ZNF704: variants seen among roughly 807,000 people sequenced by gnomAD.
ZNF704 encodes glucocorticoid induced gene 1.
In ZNF704, 10 loss-of-function variants were observed where a neutral mutation model predicts 44.7. That is an observed-to-expected ratio of 0.22 (90% CI 0.14 to 0.38). ZNF704 has a LOEUF of 0.38. Ranked by LOEUF, ZNF704 falls within the 10% of genes least tolerant of loss-of-function variation. The pLI, the probability that ZNF704 is intolerant of heterozygous loss-of-function variation, is 1.00. For synonymous variants in ZNF704, 211 were observed against 207.6 expected (o/e 1.02, Z -0.14); for missense variants, 390 against 545.5 (o/e 0.71, Z 2.84).
chr8:80,777,564 C>G lies in ZNF704; in HGVS notation c.221+43810G>C, dbSNP rs115234667. Among the ~76,000 whole-genome samples, 558 of 152,156 alleles carry G rather than the reference C, an allele frequency of 3.7e-3. 5 individuals carry two copies. Among genetic ancestry groups the G allele is most frequent in the African/African-American group, 0.013 (538 of 41,518 alleles). ...TATACACACAACACATGCATATACA[C>G]TTTTTTCCTGAATCATATGAAAGTA... On this transcript the variant is annotated intron_variant, in intron 2 of 8. Coordinates refer to ENST00000327835, the MANE Select transcript of ZNF704 (RefSeq NM_001033723.3).
chr8:80,814,166 A>C (rs1808138420), intron 2 of ZNF704: 1 of 152,186 alleles, frequency 6.6e-6, no homozygotes, highest in Non-Finnish European at 1.5e-5. Flanking sequence ...GGGAGACAGA[A>C]TTGCTTCTTT....
chr8:80,729,779 C>T (rs1249755876), intron 2 of ZNF704, among the ~76,000 whole-genome samples: 1 of 152,128 alleles, frequency 6.6e-6, no homozygotes, highest in Non-Finnish European at 1.5e-5. Context: ...TTGGGAGATT[C>T]CAGTTGGAGA....
chr8:80,690,090 A>C (rs982509312), intron 3 of ZNF704, among the ~76,000 whole-genome samples: 9 of 152,052 alleles, frequency 5.9e-5, no homozygotes, highest in Non-Finnish European at 1.0e-4. Flanking sequence ...ATTATAATAA[A>C]TTGCTTCCCC....
At chr8:80,794,430 G>C (rs1237430490) in intron 2 of ZNF704, among the ~76,000 whole-genome samples, 4 of 152,142 alleles carry the variant, frequency 2.6e-5, no homozygotes, top group Non-Finnish European at 5.9e-5. Context: ...TGTTAATCTT[G>C]TAGCTCAACA....
chr8:80,776,059 G>A (rs936063836), intron 2 of ZNF704, among the ~76,000 whole-genome samples: 6 of 152,102 alleles, frequency 3.9e-5, no homozygotes, highest in Non-Finnish European at 7.4e-5. Context: ...ATAGCTGCAT[G>A]ATAGTCCTTT....
intron 2 of ZNF704, among the ~76,000 whole-genome samples, chr8:80,697,580 C>T (rs369716614): frequency 5.3e-5 from 8 of 152,320 alleles, no homozygotes; most frequent in African/African-American, 1.4e-4. Flanking sequence ...GCTTCAGATC[C>T]ACTCTCTGCA....
At chr8:80,702,482 G>A (rs1183881966) in intron 2 of ZNF704, among the ~76,000 whole-genome samples, 2 of 152,196 alleles carry the variant, frequency 1.3e-5, no homozygotes, top group African/African-American at 4.8e-5. Context: ...GGGAGTGTGA[G>A]AGGAGGCTGC....
At chr8:80,774,905 C>T (rs1238934398) in intron 2 of ZNF704, among the ~76,000 whole-genome samples, 7 of 152,188 alleles carry the variant, frequency 4.6e-5, no homozygotes, top group Non-Finnish European at 1.0e-4. Context: ...CTGGGATACA[C>T]GAAGCGAAAT....
intron 2 of ZNF704, among the ~76,000 whole-genome samples, chr8:80,763,789 T>C (rs968499311): frequency 1.7e-4 from 26 of 152,190 alleles, no homozygotes; most frequent in African/African-American, 6.3e-4. Flanking sequence ...TTTTATGATC[T>C]GTCACCTCTT....
Position 80,635,359 on chromosome 8 carries a change from T to A in ZNF704, c.*6007A>T, listed in dbSNP as rs901572360. 3 of 152,258 alleles carry A rather than the reference T, an allele frequency of 2.0e-5. No individual in the cohort carries two copies. Among genetic ancestry groups the A allele is most frequent in the African/African-American group, 7.2e-5 (3 of 41,476 alleles). 9.4% of individuals were successfully genotyped at this position (152,258 alleles called of 1,614,324 possible). A position where few individuals can be genotyped will look rare whatever the true frequency, so the allele number is the denominator to read the frequency against. On this transcript the variant is annotated 3_prime_UTR_variant, in exon 9 of 9. Transcript: ENST00000327835. ...TCATGTGCCTGCTAGTTCTTCACAG[T>A]GAAAAATCAAGCACTTGTTCTTTTT...
chr8:80,857,998 C>A (rs1437537423), intron 1 of ZNF704, among the ~76,000 whole-genome samples: 1 of 152,052 alleles, frequency 6.6e-6, no homozygotes, highest in African/African-American at 2.4e-5. Flanking sequence ...TTGAGTTCTT[C>A]AAGGAATTTT....
chr8:80,853,865 A>C (rs2130010757), intron 1 of ZNF704, among the ~76,000 whole-genome samples: 2 of 152,316 alleles, frequency 1.3e-5, no homozygotes, highest in Middle Eastern at 3.4e-3. Context: ...GATGGCCTGG[A>C]AGTCACTGGG....
chr8:80,777,530 G>A (rs1482563644), intron 2 of ZNF704, among the ~76,000 whole-genome samples: 2 of 152,136 alleles, frequency 1.3e-5, no homozygotes, highest in Middle Eastern at 3.4e-3. Context: ...TTTTCTCTGT[G>A]TATCTTTATA....
upstream of ZNF704, among the ~76,000 whole-genome samples, chr8:80,877,984 A>G (rs1461743622): frequency 6.6e-6 from 1 of 152,194 alleles, no homozygotes; most frequent in East Asian, 1.9e-4. Flanking sequence ...TGAACTTTGA[A>G]TGAAAACTCG....
upstream of ZNF704, among the ~76,000 whole-genome samples, chr8:80,876,017 T>G (rs1352778732): frequency 1.2e-4 from 19 of 152,164 alleles, no homozygotes; most frequent in Admixed American, 1.2e-3. Context: ...TCCAACCCAT[T>G]GTTCTTTCTA....
chr8:80,783,244 A>G (rs1298099023), intron 2 of ZNF704, among the ~76,000 whole-genome samples: 1 of 152,182 alleles, frequency 6.6e-6, no homozygotes, highest in Non-Finnish European at 1.5e-5. Flanking sequence ...CTGTCCATCT[A>G]AGAAAGACCA....
chr8:80,816,371 A>G (rs1461725894), intron 2 of ZNF704, among the ~76,000 whole-genome samples: 1 of 152,198 alleles, frequency 6.6e-6, no homozygotes, highest in African/African-American at 2.4e-5. Flanking sequence ...TTCTTTTCCA[A>G]ACTCGAATGT....
chr8:80,821,668 G>A (rs979917301), intron 1 of ZNF704, 53 bp from the exon 2 acceptor site: 103 of 1,345,732 alleles, frequency 7.7e-5, no homozygotes, highest in Non-Finnish European at 1.0e-4. Context: ...ACCTTTGTAC[G>A]ACTACTGCAG....
intron 2 of ZNF704, among the ~76,000 whole-genome samples, chr8:80,800,714 A>G (rs1807884634): frequency 6.6e-6 from 1 of 152,194 alleles, no homozygotes; most frequent in Admixed American, 6.5e-5. Flanking sequence ...AACACACTGA[A>G]GTACACAGAT....
Sources: allele counts gnomAD v4.1 joint callset (sites outside exome capture counted in the v4.1 genomes callset), GRCh38; gene constraint gnomAD v4.1.1; transcripts MANE v1.5; gene names NCBI Gene and HGNC (gene_info 2026-07-23, HGNC 2026-07-21).